NBEA: variants seen among roughly 807,000 people sequenced by gnomAD.
NBEA encodes neurobeachin.
In NBEA, 44 loss-of-function variants were observed where a neutral mutation model predicts 343.4. That is an observed-to-expected ratio of 0.13 (90% CI 0.10 to 0.16). The LOEUF is 0.16. Ranked by LOEUF, NBEA falls within the 10% of genes least tolerant of loss-of-function variation. The pLI is 1.00. For synonymous variants in NBEA, 1,175 were observed against 1,238.7 expected (o/e 0.95, Z 1.08); for missense variants, 2,555 against 3,631.3 (o/e 0.70, Z 7.62).
At chr13:35,085,750 A>T (rs959204407) in intron 10 of NBEA, among the ~76,000 whole-genome samples, 1 of 152,140 alleles carries the variant, frequency 6.6e-6, no homozygotes, top group Non-Finnish European at 1.5e-5. Flanking sequence ...AGGCAGGAGA[A>T]GGAAATAAAG....
rs1405837908 is a variant in NBEA at position 34,984,748 on chromosome 13, C to T, written c.294+41634C>T. Among the ~76,000 whole-genome samples the T allele has an allele frequency of 4.0e-5, 6 of 150,790 alleles. 1 individual carries two copies. The highest frequency in any genetic ancestry group is 4.4e-5 in the Non-Finnish European group (3 of 67,426). ...GTTTGTAGTTCTCTTTGAAGAGGTC[C>T]TTCACATCCCTTGTAAGTTGGATTC... On this transcript the variant is annotated intron_variant, in intron 1 of 58. Coordinates refer to ENST00000379939, the MANE Select transcript of NBEA (RefSeq NM_001385012.1).
chr13:35,556,503 T>C (rs974619315), intron 44 of NBEA, among the ~76,000 whole-genome samples: 1 of 151,978 alleles, frequency 6.6e-6, no homozygotes, highest in African/African-American at 2.4e-5. Context: ...TATCATCTTG[T>C]CTTATACTTT....
intron 46 of NBEA, among the ~76,000 whole-genome samples, chr13:35,587,128 C>G (rs530859130): frequency 6.6e-6 from 1 of 151,884 alleles, no homozygotes; most frequent in East Asian, 1.9e-4. Context: ...ATTAGCTGTG[C>G]GGAAACCAGA....
chr13:35,584,107 A>C, intron 46 of NBEA, 69 bp downstream of exon 46: 1 of 1,379,676 alleles, frequency 7.2e-7, no homozygotes, highest in East Asian at 2.3e-5. Context: ...ATTAAATAAA[A>C]ATCAAATCAG....
chr13:35,256,386 G>C (rs1217448719), intron 34 of NBEA, among the ~76,000 whole-genome samples: 2 of 152,182 alleles, frequency 1.3e-5, no homozygotes, highest in African/African-American at 2.4e-5. Context: ...ATGCTGACTG[G>C]TCTTTGGGAG....
At chr13:35,089,302 T>C (rs1159064199) in intron 10 of NBEA, among the ~76,000 whole-genome samples, 1 of 148,538 alleles carries the variant, frequency 6.7e-6, no homozygotes, top group African/African-American at 2.5e-5. Context: ...AAAAAACACA[T>C]GAAAAAATGC....
intron 41 of NBEA, chr13:35,476,193 C>T (rs2075856198): frequency 6.2e-7 from 1 of 1,611,100 alleles, no homozygotes; most frequent in Non-Finnish European, 8.5e-7. Flanking sequence ...CTGTGGGATC[C>T]AATGCGGCTG....
intron 49 of NBEA, among the ~76,000 whole-genome samples, chr13:35,636,946 A>G (rs866603130): frequency 6.6e-6 from 1 of 152,220 alleles, no homozygotes; most frequent in African/African-American, 2.4e-5. Context: ...GAGACTCTAC[A>G]GCCTTTCCTA....
At chr13:35,247,094 CA>C (rs1476952637) in intron 34 of NBEA, among the ~76,000 whole-genome samples, 2 of 152,100 alleles carry the variant, frequency 1.3e-5, no homozygotes, top group Non-Finnish European at 2.9e-5. Context: ...AGGACTCACC[CA>C]GTTCCCACTC....
chr13:35,390,643 T>C (rs1283850535), intron 38 of NBEA, among the ~76,000 whole-genome samples: 1 of 152,162 alleles, frequency 6.6e-6, no homozygotes, highest in Non-Finnish European at 1.5e-5. Flanking sequence ...AATAAGGCTA[T>C]TTTAGAGATT....
chr13:35,033,051 G>C (rs1309246074), intron 1 of NBEA, among the ~76,000 whole-genome samples: 1 of 151,636 alleles, frequency 6.6e-6, no homozygotes, highest in Non-Finnish European at 1.5e-5. Context: ...GCCTGTGCTT[G>C]TGGGGTATTG....
At chr13:35,098,250 A>T in intron 10 of NBEA, 47 bp from the exon 11 acceptor site, 1 of 1,300,576 alleles carries the variant, frequency 7.7e-7, no homozygotes, top group South Asian at 1.3e-5. Flanking sequence ...CACTGTTTAT[A>T]ATAAACATGT....
intron 1 of NBEA, among the ~76,000 whole-genome samples, chr13:35,005,194 A>G (rs1048690922): frequency 2.7e-5 from 4 of 150,616 alleles, no homozygotes; most frequent in Admixed American, 2.7e-4. Flanking sequence ...TGAGAAACAG[A>G]CATACGTTTG....
chr13:35,426,368 G>T (rs1324746484), intron 38 of NBEA, among the ~76,000 whole-genome samples: 2 of 152,132 alleles, frequency 1.3e-5, no homozygotes, highest in Non-Finnish European at 2.9e-5. Flanking sequence ...CTCAGCATTT[G>T]CTTGTTTGTA....
chr13:35,470,248 G>A (rs751040286), intron 40 of NBEA, among the ~76,000 whole-genome samples: 2 of 152,172 alleles, frequency 1.3e-5, no homozygotes, highest in Admixed American at 6.5e-5. Flanking sequence ...TCCAAAGGAA[G>A]CCGTCCCCTT....
rs778051563 is a variant in NBEA, at chr13:35,645,906, T to C, written c.7655T>C (p.Phe2552Ser). 29 of 1,577,304 alleles carry C rather than the reference T, an allele frequency of 1.8e-5. No individual in the cohort carries two copies. In the Admixed American group the frequency reaches 5.0e-4, roughly 27 times the overall value. ...EAYFIRDPHT[F>S]LLTKDFIKAM... is the part of the protein sequence containing the mutation. ...TATTTCATTAGAGACCCCCACACTT[T>C]CCTTCTTACAAAGGACTTTATTAAG... The change falls in exon 50 of 59, where the codon TTC (phenylalanine) becomes TCC (serine). Residue 2552 changes from phenylalanine (F) to serine (S), a missense_variant. This residue lies in a region of NBEA where 87 missense variants were observed against 75.0 expected (regional missense o/e 1.16). Transcript: ENST00000379939.
chr13:35,620,160 C>T (rs530194791), intron 48 of NBEA, among the ~76,000 whole-genome samples: 3 of 152,094 alleles, frequency 2.0e-5, no homozygotes, highest in African/African-American at 2.4e-5. Context: ...TGCAAGGATC[C>T]CTGCCGTCCT....
intron 13 of NBEA, among the ~76,000 whole-genome samples, chr13:35,116,879 C>T (rs914744285): frequency 6.6e-6 from 1 of 151,858 alleles, no homozygotes; most frequent in Non-Finnish European, 1.5e-5. Flanking sequence ...TACTCATTTT[C>T]ACTTATTGAC....
rs935762459 is a variant in NBEA, at chr13:34,986,250, G to A, written c.294+43136G>A. Among the ~76,000 whole-genome samples, 4 of 150,854 alleles carry A rather than the reference G, an allele frequency of 2.7e-5. 1 individual carries two copies. Among genetic ancestry groups the A allele is most frequent in the Admixed American group, 2.6e-4 (4 of 15,118 alleles). On this transcript the variant is annotated intron_variant, in intron 1 of 58. Coordinates refer to ENST00000379939, the MANE Select transcript of NBEA (RefSeq NM_001385012.1). ...GTACATTGTGTCTTTGTTCTCGTTG[G>A]TTTCAAAGAACGTCTTTATTTCTGC...
Sources: allele counts gnomAD v4.1 joint callset (sites outside exome capture counted in the v4.1 genomes callset), GRCh38; gene constraint gnomAD v4.1.1; regional missense constraint gnomAD v4.1.1; transcripts MANE v1.5; gene names NCBI Gene and HGNC (gene_info 2026-07-23, HGNC 2026-07-21).